The following DNAJC1 variants were observed in gnomAD, a reference collection of about 807,000 sequenced individuals.
DNAJC1 encodes DnaJ heat shock protein family (Hsp40) member C1, also known as dnaJ homolog subfamily C member 1.
DNAJC1 carries 58 observed loss-of-function variants against 76.6 expected under a neutral mutation model. The ratio of observed to expected loss-of-function variants is 0.76; its 90% CI spans 0.61 to 0.94. The LOEUF is 0.94. Among genes scored for constraint, DNAJC1 ranks in the 40% least tolerant of loss-of-function variants. DNAJC1 has a pLI of 0.00. For synonymous variants in DNAJC1, 258 were observed against 267.9 expected, an observed-to-expected ratio of 0.96 and a Z score of 0.36; for missense variants, 689 against 677.3, an observed-to-expected ratio of 1.02 and a Z score of -0.19.
intron 1 of DNAJC1, among the ~76,000 whole-genome samples, chr10:21,998,389 CAAAAAAAA>C (rs60371730): frequency 8.3e-5 from 8 of 95,852 alleles, no homozygotes; most frequent in African/African-American, 3.2e-4. Context: ...GACTCCATCT[CAAAAAAAA>C]AAAAAAAAAA....
chr10:21,912,255 T>A (rs1449347216), intron 6 of DNAJC1, among the ~76,000 whole-genome samples: 1 of 152,184 alleles, frequency 6.6e-6, no homozygotes, highest in Non-Finnish European at 1.5e-5. Flanking sequence ...ACTAGTTGTG[T>A]CACTTTGGGG....
At chr10:21,836,934 C>A (rs1282231588) in intron 8 of DNAJC1, among the ~76,000 whole-genome samples, 1 of 152,202 alleles carries the variant, frequency 6.6e-6, no homozygotes, top group African/African-American at 2.4e-5. Context: ...CTCTCCCTCT[C>A]TCTCCACGGT....
At chr10:21,857,888 G>A (rs565052244) in intron 8 of DNAJC1, among the ~76,000 whole-genome samples, 92 of 151,668 alleles carry the variant, frequency 6.1e-4, no homozygotes, top group Non-Finnish European at 1.1e-3. Flanking sequence ...AAAAAAAACC[G>A]GGTATGTTTG....
chr10:21,968,318 C>T (rs1837922837), intron 1 of DNAJC1, among the ~76,000 whole-genome samples: 1 of 151,964 alleles, frequency 6.6e-6, no homozygotes, highest in African/African-American at 2.4e-5. Flanking sequence ...TTCATTGAAA[C>T]CTCACAATCA....
intron 8 of DNAJC1, chr10:21,865,705 CTA>C (rs1835986854): frequency 6.6e-6 from 1 of 151,898 alleles, no homozygotes; most frequent in African/African-American, 2.4e-5. Context: ...TTAAATATGT[CTA>C]GTTTATTTTT....
chr10:21,763,875 C>T (rs1252497295), intron 10 of DNAJC1, among the ~76,000 whole-genome samples: 1 of 152,110 alleles, frequency 6.6e-6, no homozygotes, highest in African/African-American at 2.4e-5. Context: ...CTGTGGAAAT[C>T]CCATTTTTCC....
intron 10 of DNAJC1, among the ~76,000 whole-genome samples, chr10:21,765,219 T>A (rs573885578): frequency 8.9e-4 from 135 of 152,260 alleles, no homozygotes; most frequent in Middle Eastern, 3.4e-3. Flanking sequence ...TGAATTCTTT[T>A]AAAAAAATTT....
chr10:21,793,642 G>C (rs1834718351), intron 9 of DNAJC1, among the ~76,000 whole-genome samples: 1 of 152,188 alleles, frequency 6.6e-6, no homozygotes, highest in Non-Finnish European at 1.5e-5. Context: ...CAATTTGAAA[G>C]TGTAATTAAG....
At chr10:21,963,904 A>T in intron 1 of DNAJC1, among the ~76,000 whole-genome samples, 1 of 150,134 alleles carries the variant, frequency 6.7e-6, no homozygotes, top group African/African-American at 2.5e-5. Flanking sequence ...GCCTTTATTT[A>T]TTTTAGAATG....
chr10:21,805,914 T>G, intron 9 of DNAJC1, 66 bp downstream of exon 9: 14 of 1,594,090 alleles, frequency 8.8e-6, no homozygotes, highest in Non-Finnish European at 1.2e-5. Context: ...CATCTATGTC[T>G]GCCTTCTACA....
At chr10:21,777,649 A>G (rs1472891545) in intron 9 of DNAJC1, among the ~76,000 whole-genome samples, 1 of 152,222 alleles carries the variant, frequency 6.6e-6, no homozygotes, top group African/African-American at 2.4e-5. Flanking sequence ...GCTGCCACAT[A>G]TGCAGGGTTT....
intron 1 of DNAJC1, among the ~76,000 whole-genome samples, chr10:21,942,813 AAAAAAAAAAAAGAAAGAAAG>A (rs1424151972): frequency 6.6e-6 from 1 of 150,868 alleles, no homozygotes; most frequent in African/African-American, 2.4e-5. Context: ...CTCAAAAAAA[AAAAAAAAAAAAGAAAGAAAG>A]AAAAAGAAAT....
chr10:21,870,741 C>T (rs1342454413), intron 8 of DNAJC1, among the ~76,000 whole-genome samples: 1 of 152,010 alleles, frequency 6.6e-6, no homozygotes, highest in African/African-American at 2.4e-5. Flanking sequence ...CGCCACAGCA[C>T]TCCAGCGTTG....
At chr10:21,775,115 A>C (rs974905189) in intron 9 of DNAJC1, among the ~76,000 whole-genome samples, 2 of 152,208 alleles carry the variant, frequency 1.3e-5, no homozygotes, top group Admixed American at 6.5e-5. Flanking sequence ...CAAATAATGG[A>C]AACGATGTGA....
chr10:21,926,757 A>C (rs1047621835), intron 3 of DNAJC1, among the ~76,000 whole-genome samples: 5 of 152,180 alleles, frequency 3.3e-5, no homozygotes, highest in Non-Finnish European at 7.4e-5. Context: ...AAGGGGTATA[A>C]ATACTACAGC....
intron 8 of DNAJC1, among the ~76,000 whole-genome samples, chr10:21,820,676 T>C (rs1402534585): frequency 6.6e-6 from 1 of 152,140 alleles, no homozygotes; most frequent in African/African-American, 2.4e-5. Flanking sequence ...CCCCAGACCC[T>C]CCAACCCGAT....
chr10:21,968,602 C>G (rs1837927480), intron 1 of DNAJC1, among the ~76,000 whole-genome samples: 1 of 151,966 alleles, frequency 6.6e-6, no homozygotes, highest in Non-Finnish European at 1.5e-5. Flanking sequence ...GCTCTGCCTC[C>G]CAGGTTCACG....
chr10:21,883,153 G>A (rs1256121111), intron 7 of DNAJC1, among the ~76,000 whole-genome samples: 1 of 151,928 alleles, frequency 6.6e-6, no homozygotes, highest in Admixed American at 6.6e-5. Context: ...GGGAAGCTGA[G>A]GCATGAGACT....
At chr10:21,852,194 T>C (rs1835768144) in intron 8 of DNAJC1, among the ~76,000 whole-genome samples, 1 of 151,438 alleles carries the variant, frequency 6.6e-6, no homozygotes. Flanking sequence ...ACCATCAAAA[T>C]ATGCTAAGAG....
Sources: allele counts gnomAD v4.1 joint callset (sites outside exome capture counted in the v4.1 genomes callset), GRCh38; gene constraint gnomAD v4.1.1; transcripts MANE v1.5; gene names NCBI Gene and HGNC (gene_info 2026-07-23, HGNC 2026-07-21).